Variants in FARS2 observed in about 807,000 individuals in gnomAD.
FARS2 encodes the protein phenylalanine--tRNA ligase, mitochondrial.
A neutral mutation model predicts 46.4 loss-of-function variants in FARS2; 40 were observed. That is an observed-to-expected ratio of 0.86 (90% confidence interval 0.67 to 1.12). The LOEUF is 1.12. Among genes scored for constraint, FARS2 ranks in the 50% most tolerant of loss-of-function variants. FARS2 has a pLI of 0.00. For synonymous variants in FARS2, 234 were observed against 214.9 expected (o/e 1.09, Z -0.78); for missense variants, 513 against 567.9 (o/e 0.90, Z 0.98).
At chr6:5,503,403 CACAG>C (rs1188275024) in intron 4 of FARS2, among the ~76,000 whole-genome samples, 13,162 of 73,528 alleles carry the variant, frequency 0.18, 638 homozygotes, top group South Asian at 0.23. Flanking sequence ...CACACACACA[CACAG>C]AGAGAGAGAG....
chr6:5,474,303 G>A (rs1025722676), intron 4 of FARS2, among the ~76,000 whole-genome samples: 1 of 152,124 alleles, frequency 6.6e-6, no homozygotes, highest in Non-Finnish European at 1.5e-5. Context: ...GCAGTGTACC[G>A]GGTACTTGAA....
intron 5 of FARS2, among the ~76,000 whole-genome samples, chr6:5,562,728 A>ACACACACACACACAC (rs1561715143): frequency 2.1e-5 from 3 of 142,056 alleles, no homozygotes; most frequent in African/African-American, 5.8e-5. Flanking sequence ...ACACACACAC[A>ACACACACACACACAC]GTGTTTTTCA....
intron 4 of FARS2, among the ~76,000 whole-genome samples, chr6:5,532,186 C>A (rs1345944460): frequency 1.3e-5 from 2 of 152,208 alleles, no homozygotes; most frequent in South Asian, 2.1e-4. Flanking sequence ...AGAAAGCACA[C>A]AGATGTCAGT....
chr6:5,380,968 G>A (rs912490356), intron 2 of FARS2, among the ~76,000 whole-genome samples: 12 of 136,726 alleles, frequency 8.8e-5, no homozygotes, highest in Non-Finnish European at 1.6e-5. Flanking sequence ...GTTCATTATA[G>A]CAATTATTTA....
At chr6:5,298,574 G>A (rs1768061146) in intron 1 of FARS2, among the ~76,000 whole-genome samples, 2 of 152,156 alleles carry the variant, frequency 1.3e-5, no homozygotes, top group Non-Finnish European at 2.9e-5. Flanking sequence ...AGTCCACCTG[G>A]GGAGCTTAGA....
intron 5 of FARS2, among the ~76,000 whole-genome samples, chr6:5,569,908 A>G (rs1390516624): frequency 6.6e-6 from 1 of 152,152 alleles, no homozygotes; most frequent in Admixed American, 6.5e-5. Context: ...AGAGGACTGC[A>G]TTAACAGGGG....
chr6:5,309,597 C>G (rs1490959995), intron 1 of FARS2, among the ~76,000 whole-genome samples: 2 of 152,010 alleles, frequency 1.3e-5, no homozygotes, highest in Non-Finnish European at 1.5e-5. Context: ...GAAATAGGAT[C>G]TTATGACAGC....
At chr6:5,576,578 T>C (rs910422536) in intron 5 of FARS2, among the ~76,000 whole-genome samples, 2 of 145,702 alleles carry the variant, frequency 1.4e-5, no homozygotes, top group Non-Finnish European at 3.0e-5. Flanking sequence ...TATATATCTA[T>C]GATATATACT....
At chr6:5,502,079 A>G (rs1767834505) in intron 4 of FARS2, among the ~76,000 whole-genome samples, 1 of 152,198 alleles carries the variant, frequency 6.6e-6, no homozygotes, top group Non-Finnish European at 1.5e-5. Flanking sequence ...TGGCTGGGGC[A>G]GTTAACTCCT....
intron 2 of FARS2, among the ~76,000 whole-genome samples, chr6:5,381,307 A>T (rs1251410697): frequency 6.6e-6 from 1 of 150,482 alleles, no homozygotes; most frequent in African/African-American, 2.4e-5. Context: ...TATAGCAATG[A>T]TTTCTAATTT....
chr6:5,260,660 G>A (rs2127791739), upstream of FARS2: 3 of 1,543,838 alleles, frequency 1.9e-6, no homozygotes, highest in South Asian at 1.2e-5. Context: ...GTAATTGTAG[G>A]CGCTGAAACG....
intron 1 of FARS2, among the ~76,000 whole-genome samples, chr6:5,324,350 A>T (rs570429908): frequency 6.6e-6 from 1 of 151,924 alleles, no homozygotes; most frequent in South Asian, 2.1e-4. Flanking sequence ...TGTATCAATT[A>T]ATTTATAATC....
At chr6:5,266,006 T>C (rs1313068895) in intron 1 of FARS2, among the ~76,000 whole-genome samples, 1 of 152,132 alleles carries the variant, frequency 6.6e-6, no homozygotes, top group Non-Finnish European at 1.5e-5. Flanking sequence ...TTAGGGGGCT[T>C]CATGGAGGAG....
At chr6:5,269,765 G>T (rs1765814306) in intron 1 of FARS2, among the ~76,000 whole-genome samples, 1 of 152,192 alleles carries the variant, frequency 6.6e-6, no homozygotes, top group Admixed American at 6.5e-5. Context: ...GATGTTAACT[G>T]ATCTCTCAGA....
chr6:5,556,119 A>G (rs1561710203), intron 5 of FARS2, among the ~76,000 whole-genome samples: 1 of 152,244 alleles, frequency 6.6e-6, no homozygotes, highest in African/African-American at 2.4e-5. Context: ...TGCATCCTAC[A>G]GTCTATCTTC....
intron 1 of FARS2, among the ~76,000 whole-genome samples, chr6:5,273,882 T>G (rs1176799445): frequency 6.6e-6 from 1 of 152,202 alleles, no homozygotes; most frequent in Non-Finnish European, 1.5e-5. Flanking sequence ...CATCATTTAT[T>G]GAAGAGTGTT....
At chr6:5,642,366 A>G (rs914860654) in intron 6 of FARS2, among the ~76,000 whole-genome samples, 6 of 152,226 alleles carry the variant, frequency 3.9e-5, no homozygotes, top group African/African-American at 9.6e-5. Context: ...TAAATCCCCA[A>G]TAGGACTTTT....
intron 1 of FARS2, among the ~76,000 whole-genome samples, chr6:5,355,600 G>A (rs898676286): frequency 5.3e-5 from 8 of 151,520 alleles, no homozygotes; most frequent in Non-Finnish European, 7.4e-5. Context: ...CTTGTGATCC[G>A]TACGCCTCGG....
intron 4 of FARS2, among the ~76,000 whole-genome samples, chr6:5,517,654 A>T (rs953387463): frequency 6.6e-6 from 1 of 152,024 alleles, no homozygotes; most frequent in East Asian, 1.9e-4. Flanking sequence ...ACACACATAC[A>T]CACATACTGG....
Sources: gnomAD v4.1 joint callset for allele counts (sites outside exome capture counted in the v4.1 genomes callset) on GRCh38, gnomAD v4.1.1 for gene constraint, MANE v1.5 for transcripts, NCBI Gene and HGNC (gene_info 2026-07-23, HGNC 2026-07-21) for gene names.